NBPF8: variants seen among roughly 807,000 people sequenced by gnomAD.
The protein encoded by NBPF8 is NBPF member 8.
At chr1:120,452,071 A>T in intron 12 of NBPF8, 46 bp from the exon 11 acceptor site, 1 of 1,418,386 alleles carries the variant, frequency 7.1e-7, no homozygotes. Context: ...TGAGCGGATC[A>T]CTCAACCCTT....
At chr1:120,462,866 T>A in exon 21 of NBPF8, 1 of 406,212 alleles carries the variant, frequency 2.5e-6, no homozygotes, top group Non-Finnish European at 4.2e-6. Flanking sequence ...GTTATTCGAC[T>A]CCTTCAGGTT....
intron 1 of NBPF8, among the ~76,000 whole-genome samples, chr1:120,424,814 A>G (rs1341972261): frequency 7.4e-6 from 1 of 134,866 alleles, no homozygotes; most frequent in African/African-American, 2.9e-5. Flanking sequence ...TAGACATAAG[A>G]GACTCCATTT....
exon 18 of NBPF8, chr1:120,460,613 A>G (rs1158201473): frequency 2.4e-5 from 33 of 1,396,400 alleles, no homozygotes; most frequent in Non-Finnish European, 6.0e-6. Context: ...ACCAAGAGGC[A>G]ACAGGTCCCA....
chr1:120,418,686 T>G (rs1306733138), upstream of NBPF8, among the ~76,000 whole-genome samples: 21,070 of 49,528 alleles, frequency 0.43, 5,728 homozygotes, highest in African/African-American at 0.73. Flanking sequence ...TAGTAGCTGG[T>G]TCTACAGGCA....
upstream of NBPF8, among the ~76,000 whole-genome samples, chr1:120,435,830 C>A (rs1395049371): frequency 6.6e-6 from 1 of 151,198 alleles, no homozygotes; most frequent in Non-Finnish European, 1.5e-5. Context: ...CGCGTCACTG[C>A]ACTCCAGCCT....
upstream of NBPF8, among the ~76,000 whole-genome samples, chr1:120,417,840 A>G (rs1553245443): frequency 2.1e-5 from 3 of 145,434 alleles, no homozygotes; most frequent in East Asian, 3.9e-4. Context: ...GGCTCAAGTA[A>G]TCTTCCCACT....
At chr1:120,464,133 CTG>C (rs1169651864) in intron 22 of NBPF8, among the ~76,000 whole-genome samples, 4,679 of 38,940 alleles carry the variant, frequency 0.12, 496 homozygotes, top group Middle Eastern at 0.15. Context: ...CTCTCTCTCT[CTG>C]TGTGTGTGTG....
At chr1:120,446,093 G>C (rs1234014854) in intron 8 of NBPF8, 1 of 1,211,182 alleles carries the variant, frequency 8.3e-7, no homozygotes, top group African/African-American at 1.5e-5. Flanking sequence ...CTTATGAGAG[G>C]CTCCAGACCT....
At chr1:120,462,427 C>A (rs1661617802) in intron 20 of NBPF8, among the ~76,000 whole-genome samples, 1 of 147,580 alleles carries the variant, frequency 6.8e-6, no homozygotes, top group Non-Finnish European at 1.5e-5. Context: ...TGTATGGCAA[C>A]TGCATGGAGT....
At chr1:120,425,251 C>T (rs1660689324) in intron 1 of NBPF8, among the ~76,000 whole-genome samples, 1 of 151,616 alleles carries the variant, frequency 6.6e-6, no homozygotes, top group Non-Finnish European at 1.5e-5. Flanking sequence ...GCATCTGTCT[C>T]CTCCTCGTCC....
At chr1:120,418,609 G>A (rs1660489488), upstream of NBPF8, among the ~76,000 whole-genome samples, 1 of 143,620 alleles carries the variant, frequency 7.0e-6, no homozygotes, top group Non-Finnish European at 1.5e-5. Context: ...GGAGTGGAGT[G>A]GTATGATCAT....
At chr1:120,415,256 G>A (rs1553244933), upstream of NBPF8, among the ~76,000 whole-genome samples, 110 of 152,334 alleles carry the variant, frequency 7.2e-4, no homozygotes, top group African/African-American at 2.6e-3. Context: ...TTACAGCGAA[G>A]TCCACCCAGC....
At chr1:120,415,187 G>C (rs1267553788), upstream of NBPF8, among the ~76,000 whole-genome samples, 7 of 152,320 alleles carry the variant, frequency 4.6e-5, no homozygotes, top group East Asian at 1.4e-3. Flanking sequence ...GGCGACCTGT[G>C]GCGCCAGGAG....
chr1:120,424,400 T>TA (rs1324514944), intron 1 of NBPF8, among the ~76,000 whole-genome samples: 5 of 152,156 alleles, frequency 3.3e-5, no homozygotes, highest in Admixed American at 1.3e-4. Context: ...ATTGAGATGA[T>TA]ACATTTTCAC....
At chr1:120,434,318 C>G (rs1553247476), upstream of NBPF8, among the ~76,000 whole-genome samples, 1 of 145,064 alleles carries the variant, frequency 6.9e-6, no homozygotes, top group Non-Finnish European at 1.5e-5. Flanking sequence ...TGTATATACA[C>G]GTATATATAT....
intron 19 of NBPF8, among the ~76,000 whole-genome samples, 192 bp downstream of exon 17, chr1:120,461,618 T>G (rs1221096269): frequency 9.2e-6 from 1 of 108,866 alleles, no homozygotes; most frequent in Non-Finnish European, 1.9e-5. Flanking sequence ...TGAGCAAGGC[T>G]CTCTTCCTAG....
At chr1:120,420,782 G>A (rs1224798346) in intron 1 of NBPF8, among the ~76,000 whole-genome samples, 2 of 148,410 alleles carry the variant, frequency 1.3e-5, no homozygotes, top group Non-Finnish European at 3.0e-5. Context: ...AGCATTCATG[G>A]GGTGACTATT....
chr1:120,433,399 T>C (rs1660942155), upstream of NBPF8: 3 of 152,672 alleles, frequency 2.0e-5, no homozygotes, highest in South Asian at 6.2e-4. Context: ...ATATGTACAG[T>C]TATTGATTTT....
upstream of NBPF8, among the ~76,000 whole-genome samples, chr1:120,434,613 G>A (rs1324767273): frequency 2.6e-5 from 4 of 151,612 alleles, no homozygotes; most frequent in East Asian, 1.9e-4. Flanking sequence ...TTGCACCGCC[G>A]CTTCTAAATG....
Sources: gnomAD v4.1 joint callset for allele counts (sites outside exome capture counted in the v4.1 genomes callset) on GRCh38, gnomAD v4.1.1 for gene constraint, MANE v1.5 for transcripts, NCBI Gene and HGNC (gene_info 2026-07-23, HGNC 2026-07-21) for gene names.